The following CTSH variants were observed in gnomAD, a reference collection of about 807,000 sequenced individuals.
CTSH encodes cathepsin H, also known as pro-cathepsin H.
A neutral mutation model predicts 56.3 loss-of-function variants in CTSH; 52 were observed. That is an observed-to-expected ratio of 0.92 (90% CI 0.74 to 1.16). The LOEUF (loss-of-function observed/expected upper bound fraction) is 1.16. CTSH is among the 50% of genes most tolerant of loss of function. The pLI, the probability that CTSH is intolerant of heterozygous loss-of-function variation, is 0.00. For missense variants in CTSH, 406 were observed against 424.5 expected, an observed-to-expected ratio of 0.96 and a Z score of 0.38; for synonymous variants, 174 against 155.7, an observed-to-expected ratio of 1.12 and a Z score of -0.88.
intron 11 of CTSH, among the ~76,000 whole-genome samples, 157 bp downstream of exon 11, chr15:78,922,836 C>T (rs1402187179): frequency 6.6e-6 from 1 of 152,180 alleles, no homozygotes; most frequent in Non-Finnish European, 1.5e-5. Flanking sequence ...AATGTGGAGG[C>T]TACATTCTCA....
At chr15:78,933,563 G>A (rs1358771498) in intron 5 of CTSH, 2 of 455,156 alleles carry the variant, frequency 4.4e-6, no homozygotes, top group Admixed American at 2.4e-5. Context: ...TCAGCTGGGG[G>A]AGGGAGGGAC....
chr15:78,931,106 C>T (rs892290872), intron 7 of CTSH, among the ~76,000 whole-genome samples: 3 of 152,006 alleles, frequency 2.0e-5, no homozygotes, highest in African/African-American at 7.3e-5. Context: ...GTGTGTGGAT[C>T]TCGGGTTTGG....
chr15:78,936,420 T>G (rs1050541487), intron 3 of CTSH, among the ~76,000 whole-genome samples: 9 of 151,166 alleles, frequency 6.0e-5, no homozygotes, highest in Non-Finnish European at 2.9e-5. Context: ...GACCCTGTCT[T>G]TAGGGATTAT....
At chr15:78,922,928 G>GC in intron 11 of CTSH, 65 bp downstream of exon 11, 1 of 1,533,052 alleles carries the variant, frequency 6.5e-7, no homozygotes, top group Non-Finnish European at 8.7e-7. Context: ...TGGAAGTGAT[G>GC]CCCCCAGGGC....
At chr15:78,940,571 G>C (rs1472524265) in intron 1 of CTSH, among the ~76,000 whole-genome samples, 1 of 151,114 alleles carries the variant, frequency 6.6e-6, no homozygotes, top group Non-Finnish European at 1.5e-5. Flanking sequence ...AAATAAGATT[G>C]TTATATCATT....
Position 78,922,096 on chromosome 15 carries a change from C to T in CTSH, c.*34G>A. On this transcript the variant is annotated 3_prime_UTR_variant, in exon 12 of 12. Transcript: ENST00000220166. ...CAGGCCCAGGCTGCCCGTTCCTCTC[C>T]TTCTCCGCCAGTCTGCGCTGCGGCT... 6.5e-7 allele frequency: 1 copy of T among 1,546,968 alleles called. No individual in the cohort carries two copies. Among genetic ancestry groups the T allele is most frequent in the Non-Finnish European group, 8.7e-7 (1 of 1,144,418 alleles).
intron 7 of CTSH, among the ~76,000 whole-genome samples, chr15:78,930,546 AAAT>A (rs1478779812): frequency 5.9e-4 from 72 of 121,350 alleles, no homozygotes; most frequent in African/African-American, 2.1e-3. Context: ...AAAAATAAAT[AAAT>A]AAATAAATAA....
intron 1 of CTSH, 113 bp downstream of exon 1, chr15:78,944,778 C>CG: frequency 7.2e-7 from 1 of 1,389,690 alleles, no homozygotes; most frequent in Non-Finnish European, 9.4e-7. Context: ...GGCCTCTCAC[C>CG]GGGGAAAGCT....
intron 6 of CTSH, chr15:78,931,987 C>T (rs1484837437): frequency 1.7e-5 from 19 of 1,149,224 alleles, no homozygotes; most frequent in Admixed American, 4.2e-5. Context: ...CTCTTGTGGG[C>T]GAGGGGATGG....
Position 78,944,999 on chromosome 15 carries a change from G to A in CTSH, c.-18C>T. 2.0e-6 allele frequency: 3 copies of A among 1,523,208 alleles called. No individual in the cohort carries two copies. The highest frequency in any genetic ancestry group is 2.6e-6 in the Non-Finnish European group (3 of 1,136,640). The allele number at this position is 1,523,208 out of a possible 1,614,324, so 94.4% of individuals were successfully genotyped here. A position where few individuals can be genotyped will look rare whatever the true frequency, so the allele number is the denominator to read the frequency against. ...GCCCACATCGCAGCGCTGGCGGCTT[G>A]GCTCTTGCGCTCAGGGTCCGCGGAG... On this transcript the variant is annotated 5_prime_UTR_variant, in exon 1 of 12. Transcript: ENST00000220166.
intron 6 of CTSH, 91 bp downstream of exon 6, chr15:78,932,281 G>A: frequency 8.5e-7 from 1 of 1,182,544 alleles, no homozygotes; most frequent in Admixed American, 1.9e-5. Flanking sequence ...AGCACCCTTA[G>A]CCAATGCTCC....
At chr15:78,925,206 G>GGCAGGTGTCATGAAGGGTCTGACAC in intron 10 of CTSH, 128 bp downstream of exon 10, 1 of 627,098 alleles carries the variant, frequency 1.6e-6, no homozygotes, top group South Asian at 1.8e-5. Context: ...CCCAGCACCT[G>GGCAGGTGTCATGAAGGGTCTGACAC]GCAGGTGTCA....
At chr15:78,944,766 C>T (rs2055360804) in intron 1 of CTSH, 125 bp downstream of exon 1, 2 of 1,381,824 alleles carry the variant, frequency 1.4e-6, no homozygotes, top group Non-Finnish European at 1.9e-6. Context: ...CGCAGAGTTC[C>T]TGGCCTCTCA....
chr15:78,932,496 G>A (rs540895668), intron 5 of CTSH, 38 bp from the exon 6 acceptor site: 2 of 1,524,288 alleles, frequency 1.3e-6, no homozygotes, highest in East Asian at 2.3e-5. Flanking sequence ...CATCAGTGAT[G>A]GGGACGCCGT....
At chr15:78,930,295 G>A (rs2055022715) in intron 7 of CTSH, among the ~76,000 whole-genome samples, 1 of 152,224 alleles carries the variant, frequency 6.6e-6, no homozygotes, top group African/African-American at 2.4e-5. Context: ...GGAGGCCAAG[G>A]TGGGTGGATC....
At chr15:78,924,654 T>C (rs2058541175) in intron 10 of CTSH, among the ~76,000 whole-genome samples, 2 of 151,856 alleles carry the variant, frequency 1.3e-5, no homozygotes. Context: ...CAGCTACTCT[T>C]CTCCCTATTT....
chr15:78,922,439 C>T (rs958943286), intron 11 of CTSH, among the ~76,000 whole-genome samples: 1 of 152,180 alleles, frequency 6.6e-6, no homozygotes, highest in Non-Finnish European at 1.5e-5. Flanking sequence ...CCACTTCTCC[C>T]GAAAATTTAC....
At chr15:78,932,181 A>AATAAACTCAT (rs2055076069) in intron 6 of CTSH, 191 bp downstream of exon 6, 2 of 914,854 alleles carry the variant, frequency 2.2e-6, no homozygotes, top group Non-Finnish European at 3.2e-6. Flanking sequence ...CCGGTTCCTT[A>AATAAACTCAT]ATAAACTCAG....
intron 1 of CTSH, 180 bp downstream of exon 1, chr15:78,944,711 G>C: frequency 1.6e-6 from 2 of 1,214,754 alleles, no homozygotes; most frequent in South Asian, 2.3e-5. Flanking sequence ...CCCACCCTCC[G>C]AGAACCCCCG....
Sources: gnomAD v4.1 joint callset for allele counts (sites outside exome capture counted in the v4.1 genomes callset) on GRCh38, gnomAD v4.1.1 for gene constraint, MANE v1.5 for transcripts, NCBI Gene and HGNC (gene_info 2026-07-23, HGNC 2026-07-21) for gene names.